ZRANB3: variants seen among roughly 807,000 people sequenced by gnomAD.
ZRANB3 encodes the protein DNA annealing helicase and endonuclease ZRANB3.
In ZRANB3, 125 loss-of-function variants were observed where a neutral mutation model predicts 133.8. That is an observed-to-expected ratio of 0.93 (90% CI 0.81 to 1.08). The LOEUF (loss-of-function observed/expected upper bound fraction) is 1.08, where lower values mean the gene tolerates loss of function less well. Ranked by LOEUF, ZRANB3 falls within the 50% of genes least tolerant of loss-of-function variation. ZRANB3 has a pLI of 0.00. For missense variants in ZRANB3, 1,229 were observed against 1,275.5 expected (o/e 0.96, Z 0.56); for synonymous variants, 387 against 432.7 (o/e 0.89, Z 1.31).
chr2:135,277,481 G>C (rs1020234004), intron 8 of ZRANB3, among the ~76,000 whole-genome samples: 1 of 152,122 alleles, frequency 6.6e-6, no homozygotes, highest in Non-Finnish European at 1.5e-5. Context: ...AACTGGAAGA[G>C]ATTGCATTTA....
intron 3 of ZRANB3, among the ~76,000 whole-genome samples, chr2:135,371,857 C>T (rs1387605898): frequency 6.6e-6 from 1 of 152,086 alleles, no homozygotes; most frequent in Non-Finnish European, 1.5e-5. Context: ...GTGGGGCCCT[C>T]ATGAACCAGA....
At chr2:135,441,524 AAATG>A (rs1689776606) in intron 2 of ZRANB3, among the ~76,000 whole-genome samples, 1 of 152,182 alleles carries the variant, frequency 6.6e-6, no homozygotes, top group African/African-American at 2.4e-5. Flanking sequence ...ATATAAATAT[AAATG>A]ACTGAATACA....
At chr2:135,287,670 C>CTTTTTT (rs59739293) in intron 8 of ZRANB3, among the ~76,000 whole-genome samples, 8 of 98,058 alleles carry the variant, frequency 8.2e-5, no homozygotes, top group South Asian at 3.7e-4. Context: ...TATTTCTTTC[C>CTTTTTT]TTTTTTTTTT....
intron 1 of ZRANB3, among the ~76,000 whole-genome samples, chr2:135,507,842 C>CAA (rs1693262791): frequency 6.6e-6 from 1 of 151,990 alleles, no homozygotes; most frequent in Non-Finnish European, 1.5e-5. Context: ...GTAGTCCCAA[C>CAA]TACTTGGGAG....
At chr2:135,442,337 A>G (rs1027201589) in intron 2 of ZRANB3, among the ~76,000 whole-genome samples, 4 of 152,204 alleles carry the variant, frequency 2.6e-5, no homozygotes, top group African/African-American at 9.7e-5. Context: ...AAGAACTTAA[A>G]CAAATTTACA....
At chr2:135,436,028 A>G (rs1689518138) in intron 2 of ZRANB3, among the ~76,000 whole-genome samples, 1 of 152,014 alleles carries the variant, frequency 6.6e-6, no homozygotes, top group African/African-American at 2.4e-5. Context: ...TGCAATTGCT[A>G]TTGGTATCTT....
At chr2:135,468,750 A>T (rs1042768004) in intron 2 of ZRANB3, among the ~76,000 whole-genome samples, 1 of 152,198 alleles carries the variant, frequency 6.6e-6, no homozygotes, top group African/African-American at 2.4e-5. Context: ...TTGCCCATAG[A>T]ACTTATTTTA....
chr2:135,241,279 C>CT (rs2105082756), intron 12 of ZRANB3, among the ~76,000 whole-genome samples: 1 of 150,896 alleles, frequency 6.6e-6, no homozygotes, highest in South Asian at 2.1e-4. Flanking sequence ...TAGTTTTCCT[C>CT]TACTTATCTT....
At chr2:135,518,629 A>G (rs1353511357) in intron 1 of ZRANB3, among the ~76,000 whole-genome samples, 1 of 152,104 alleles carries the variant, frequency 6.6e-6, no homozygotes, top group African/African-American at 2.4e-5. Context: ...AAGTACCTCA[A>G]TTGGAAATGC....
intron 2 of ZRANB3, among the ~76,000 whole-genome samples, chr2:135,441,336 A>T (rs946390529): frequency 5.8e-4 from 88 of 152,306 alleles, no homozygotes; most frequent in Non-Finnish European, 1.8e-4. Context: ...TTCATGGTGT[A>T]GAAAGAAAAA....
intron 2 of ZRANB3, among the ~76,000 whole-genome samples, chr2:135,486,050 G>A (rs376465730): frequency 3.3e-5 from 5 of 152,056 alleles, no homozygotes; most frequent in African/African-American, 1.2e-4. Flanking sequence ...GTTTTACCTC[G>A]ACGATTGTTG....
At chr2:135,386,156 A>G (rs923122220) in intron 3 of ZRANB3, among the ~76,000 whole-genome samples, 4 of 152,158 alleles carry the variant, frequency 2.6e-5, no homozygotes, top group Non-Finnish European at 4.4e-5. Flanking sequence ...AAAAAAACAA[A>G]CAACTCCATC....
intron 2 of ZRANB3, among the ~76,000 whole-genome samples, chr2:135,502,665 T>C (rs1320730808): frequency 6.6e-6 from 1 of 152,170 alleles, no homozygotes; most frequent in Non-Finnish European, 1.5e-5. Context: ...AAGTATGAAA[T>C]ACCTAAAGGA....
At chr2:135,494,884 C>T (rs1397454067) in intron 2 of ZRANB3, among the ~76,000 whole-genome samples, 2 of 152,296 alleles carry the variant, frequency 1.3e-5, no homozygotes, top group South Asian at 2.1e-4. Context: ...GAACAAAAAA[C>T]ATGCTATAAA....
chr2:135,529,421 G>C (rs1694302098), intron 1 of ZRANB3, among the ~76,000 whole-genome samples: 1 of 152,150 alleles, frequency 6.6e-6, no homozygotes, highest in Non-Finnish European at 1.5e-5. Flanking sequence ...GCTCCATGTG[G>C]CCGATGAATA....
chr2:135,305,344 T>A (rs911489213), intron 8 of ZRANB3, among the ~76,000 whole-genome samples: 2 of 152,234 alleles, frequency 1.3e-5, no homozygotes, highest in Non-Finnish European at 2.9e-5. Flanking sequence ...GTGTGGAACA[T>A]CTTTTTCCAT....
At chr2:135,447,530 G>C (rs1317145047) in intron 2 of ZRANB3, among the ~76,000 whole-genome samples, 1 of 152,010 alleles carries the variant, frequency 6.6e-6, no homozygotes. Flanking sequence ...TGCTTCTTCT[G>C]AGGACAGTCT....
chr2:135,474,118 A>AAACCAGAGGTTGCAGTG (rs1487315402), intron 2 of ZRANB3, among the ~76,000 whole-genome samples: 7 of 152,026 alleles, frequency 4.6e-5, no homozygotes, highest in Non-Finnish European at 7.4e-5. Flanking sequence ...ATGAGCCTGG[A>AAACCAGAGGTTGCAGTG]AACCAGAGGT....
intron 6 of ZRANB3, among the ~76,000 whole-genome samples, chr2:135,316,363 G>A (rs1454237740): frequency 6.6e-6 from 1 of 152,054 alleles, no homozygotes; most frequent in Non-Finnish European, 1.5e-5. Context: ...TAGGACAACC[G>A]ATCCAATAAC....
Sources: gnomAD v4.1 joint callset for allele counts (sites outside exome capture counted in the v4.1 genomes callset) on GRCh38, gnomAD v4.1.1 for gene constraint, MANE v1.5 for transcripts, NCBI Gene and HGNC (gene_info 2026-07-23, HGNC 2026-07-21) for gene names.